The following REEP3 variants were observed in gnomAD, a reference collection of about 807,000 sequenced individuals.
The protein encoded by REEP3 is receptor expression-enhancing protein 3.
REEP3 carries 20 observed loss-of-function variants against 41.3 expected under a neutral mutation model. The observed-to-expected ratio is 0.48, with a 90% CI of 0.34 to 0.70. The LOEUF is 0.70. Ranked by LOEUF, REEP3 falls within the 30% of genes least tolerant of loss-of-function variation. REEP3 has a pLI of 0.01. For missense variants in REEP3, 271 were observed against 308.8 expected (o/e 0.88, Z 0.92); for synonymous variants, 104 against 101.8 (o/e 1.02, Z -0.13).
chr10:63,538,790 T>C (rs556123389), intron 1 of REEP3, among the ~76,000 whole-genome samples: 1 of 152,228 alleles, frequency 6.6e-6, no homozygotes, highest in East Asian at 1.9e-4. Flanking sequence ...AATGGTGAAT[T>C]TTCCATGTGT....
chr10:63,552,400 G>T (rs1955637909), intron 1 of REEP3, among the ~76,000 whole-genome samples: 1 of 151,924 alleles, frequency 6.6e-6, no homozygotes, highest in South Asian at 2.1e-4. Flanking sequence ...CACAGAGCAA[G>T]ACTCCGTCTC....
At chr10:63,608,059 TTGC>T (rs1041658919) in intron 5 of REEP3, among the ~76,000 whole-genome samples, 37 of 152,202 alleles carry the variant, frequency 2.4e-4, no homozygotes, top group African/African-American at 8.7e-4. Flanking sequence ...AAATCAGAAA[TTGC>T]TGAGAGAAGG....
At chr10:63,531,002 AC>A (rs1955416179) in intron 1 of REEP3, among the ~76,000 whole-genome samples, 1 of 152,200 alleles carries the variant, frequency 6.6e-6, no homozygotes, top group Admixed American at 6.5e-5. Flanking sequence ...TACAAAACTA[AC>A]TGTTAAGGGT....
chr10:63,540,529 G>A (rs1164520670), intron 1 of REEP3, among the ~76,000 whole-genome samples: 2 of 152,134 alleles, frequency 1.3e-5, no homozygotes, highest in Non-Finnish European at 2.9e-5. Flanking sequence ...GAAAAGGATG[G>A]GGAAGGGAGA....
intron 1 of REEP3, among the ~76,000 whole-genome samples, chr10:63,551,319 C>T (rs923494678): frequency 6.6e-6 from 1 of 152,072 alleles, no homozygotes; most frequent in African/African-American, 2.4e-5. Flanking sequence ...ATTATACCAT[C>T]CAAAGCATAA....
intron 1 of REEP3, among the ~76,000 whole-genome samples, chr10:63,533,725 T>TTTTTTTTTTTTTTTTTTTTTTTGAAG: frequency 7.0e-6 from 1 of 143,796 alleles, no homozygotes; most frequent in East Asian, 2.1e-4. Flanking sequence ...TTTTTTTTTT[T>TTTTTTTTTTTTTTTTTTTTTTTGAAG]GAGACGGAGT....
intron 4 of REEP3, 53 bp from the exon 5 acceptor site, chr10:63,599,117 G>A: frequency 3.6e-6 from 3 of 837,152 alleles, no homozygotes; most frequent in Non-Finnish European, 5.9e-6. Context: ...CTAGTTTGGG[G>A]CTTATTAACA....
chr10:63,570,992 G>A (rs1284996114), intron 2 of REEP3, among the ~76,000 whole-genome samples: 1 of 152,154 alleles, frequency 6.6e-6, no homozygotes, highest in Non-Finnish European at 1.5e-5. Context: ...GTGTGTGCCT[G>A]TAGTTCCAGC....
At chr10:63,592,711 T>C (rs1253212273) in intron 2 of REEP3, among the ~76,000 whole-genome samples, 1 of 151,576 alleles carries the variant, frequency 6.6e-6, no homozygotes, top group Non-Finnish European at 1.5e-5. Flanking sequence ...GCCAACATGG[T>C]GAAACCCCGT....
At chr10:63,600,085 A>G (rs1956158767) in intron 5 of REEP3, among the ~76,000 whole-genome samples, 1 of 152,196 alleles carries the variant, frequency 6.6e-6, no homozygotes, top group Non-Finnish European at 1.5e-5. Flanking sequence ...AATTCAAGTG[A>G]AAATTTAAGT....
At chr10:63,594,890 A>T (rs756329093) in intron 3 of REEP3, 36 bp downstream of exon 3, 2 of 1,300,442 alleles carry the variant, frequency 1.5e-6, no homozygotes, top group South Asian at 1.2e-5. Flanking sequence ...CAGACTACAG[A>T]CTCATAATCA....
In REEP3 at chr10:63,598,805, G is replaced by T. The variant is rs1414556298; in HGVS notation, c.304-365G>T. Among the ~76,000 whole-genome samples the T allele has an allele frequency of 2.7e-5, 4 of 148,794 alleles. No homozygotes were observed. The East Asian group carries it at 6.0e-4, about 22-fold the overall frequency. On this transcript the variant is annotated intron_variant, in intron 4 of 7. Transcript: ENST00000373758. ...TCTCAAAAAAAAAAAAAAAAGAAGC[G>T]CCTGGGCTGGGTGCAGTGGCTCATG...
At chr10:63,574,646 G>T (rs979048630) in intron 2 of REEP3, among the ~76,000 whole-genome samples, 4 of 151,998 alleles carry the variant, frequency 2.6e-5, no homozygotes, top group African/African-American at 9.7e-5. Flanking sequence ...TTACTCTGGT[G>T]TTATTCACTA....
rs142356283 is a variant in REEP3 at position 63,550,133 on chromosome 10, G to A, written c.33-16205G>A. Among the ~76,000 whole-genome samples the A allele has an allele frequency of 1.1e-4, 17 of 152,308 alleles. No individual in the cohort carries two copies. The East Asian group carries it at 2.5e-3, about 23-fold the overall frequency. The stretch of plus-strand genomic sequence containing the variant: ...TGAGCCCAAATGTGTTATTGGCCAC[G>A]AGTTTGAAAATAAAACAAGAGGATG... On this transcript the variant is annotated intron_variant, in intron 1 of 7. Transcript: ENST00000373758.
intron 5 of REEP3, among the ~76,000 whole-genome samples, chr10:63,603,693 T>A (rs1956196902): frequency 6.6e-6 from 1 of 152,218 alleles, no homozygotes; most frequent in Non-Finnish European, 1.5e-5. Flanking sequence ...CATCCCTGTA[T>A]GTAAGGTAAC....
intron 3 of REEP3, among the ~76,000 whole-genome samples, 156 bp from the exon 4 acceptor site, chr10:63,597,868 G>A (rs1956130670): frequency 6.6e-6 from 1 of 150,644 alleles, no homozygotes; most frequent in Admixed American, 6.6e-5. Flanking sequence ...AGCCGAGATG[G>A]TGCCATTGCA....
chr10:63,522,424 G>T (rs1295487941), intron 1 of REEP3, among the ~76,000 whole-genome samples: 2 of 151,960 alleles, frequency 1.3e-5, no homozygotes, highest in African/African-American at 4.8e-5. Flanking sequence ...AAATGTATTT[G>T]AATACAGTTT....
chr10:63,617,982 G>A (rs576435808), intron 6 of REEP3, among the ~76,000 whole-genome samples: 7 of 151,350 alleles, frequency 4.6e-5, no homozygotes, highest in Admixed American at 2.6e-4. Context: ...CTGCCACCAC[G>A]CCCAGCTAAT....
intron 6 of REEP3, among the ~76,000 whole-genome samples, chr10:63,610,557 A>G (rs1956270154): frequency 1.3e-5 from 2 of 152,266 alleles, no homozygotes; most frequent in African/African-American, 4.8e-5. Flanking sequence ...CTGCACGTGT[A>G]TCCTGGAACT....
Sources: allele counts gnomAD v4.1 joint callset (sites outside exome capture counted in the v4.1 genomes callset), GRCh38; gene constraint gnomAD v4.1.1; transcripts MANE v1.5; gene names NCBI Gene and HGNC (gene_info 2026-07-23, HGNC 2026-07-21).